ATP8B4: variants seen among roughly 807,000 people sequenced by gnomAD.
The protein encoded by ATP8B4 is probable phospholipid-transporting ATPase IM.
Under a neutral mutation model 145.6 loss-of-function variants are expected in ATP8B4, and 133 were observed. The ratio of observed to expected loss-of-function variants is 0.91; its 90% CI spans 0.79 to 1.05. The LOEUF is 1.05. Among genes scored for constraint, ATP8B4 ranks in the 50% least tolerant of loss-of-function variants. ATP8B4 has a pLI of 0.00. For missense variants in ATP8B4, 1,458 were observed against 1,425.2 expected, an observed-to-expected ratio of 1.02 and a Z score of -0.37; for synonymous variants, 507 against 492.9, an observed-to-expected ratio of 1.03 and a Z score of -0.38.
intron 2 of ATP8B4, among the ~76,000 whole-genome samples, chr15:50,092,364 T>C (rs2055666610): frequency 6.6e-6 from 1 of 152,016 alleles, no homozygotes; most frequent in Admixed American, 6.6e-5. Context: ...AACAAATTAG[T>C]GGTTATGGCA....
At position 49,939,212 on chromosome 15, in the gene ATP8B4, C is replaced by G. The variant is rs148220955; in HGVS notation, c.1288-5030G>C. The stretch of plus-strand genomic sequence containing the variant: ...AAAAAAAGAACAAGAAAAAATTAAC[C>G]CCAAAGCTAGCAGAACAAACTAACA... On this transcript the variant is annotated intron_variant, in intron 14 of 27. Coordinates refer to ENST00000284509, the MANE Select transcript of ATP8B4 (RefSeq NM_024837.4). Among the ~76,000 whole-genome samples the G allele has an allele frequency of 3.9e-3, 587 of 151,794 alleles. 5 individuals are homozygous for G. Among genetic ancestry groups the G allele is most frequent in the African/African-American group, 0.013 (556 of 41,412 alleles).
At chr15:50,128,164 T>A (rs1266898613) in intron 1 of ATP8B4, among the ~76,000 whole-genome samples, 1 of 152,202 alleles carries the variant, frequency 6.6e-6, no homozygotes, top group African/African-American at 2.4e-5. Flanking sequence ...TGGAGTTAAG[T>A]CATGCCAGAG....
intron 14 of ATP8B4, among the ~76,000 whole-genome samples, chr15:49,943,473 G>T (rs557794683): frequency 6.6e-6 from 1 of 151,874 alleles, no homozygotes; most frequent in African/African-American, 2.4e-5. Flanking sequence ...AACAGGAAGA[G>T]AAAAGCAACT....
At position 50,073,350 on chromosome 15, in the gene ATP8B4, C is replaced by T. The variant is rs1243344928; in HGVS notation, c.87+777G>A. Among the ~76,000 whole-genome samples, 9 of 152,052 alleles carry T rather than the reference C, an allele frequency of 5.9e-5. No homozygotes were observed. The South Asian group carries it at 1.0e-3, about 18-fold the overall frequency. On this transcript the variant is annotated intron_variant, in intron 3 of 27. Transcript: ENST00000284509. ...AACATGCAGTGTTTGGTTTTCTGTT[C>T]CTGTGTTAGTTTGCTGAGAATGATG...
At chr15:49,921,694 G>A (rs1347705321) in intron 17 of ATP8B4, among the ~76,000 whole-genome samples, 2 of 152,196 alleles carry the variant, frequency 1.3e-5, no homozygotes, top group African/African-American at 4.8e-5. Flanking sequence ...AGGTTAAACT[G>A]TGAGATACTG....
chr15:50,088,987 C>T (rs1360891025), intron 2 of ATP8B4, among the ~76,000 whole-genome samples: 1 of 152,054 alleles, frequency 6.6e-6, no homozygotes, highest in Non-Finnish European at 1.5e-5. Flanking sequence ...TGTACCAGTA[C>T]CATGCTGTTT....
At chr15:50,066,427 C>T (rs1357276268) in intron 3 of ATP8B4, among the ~76,000 whole-genome samples, 1 of 152,130 alleles carries the variant, frequency 6.6e-6, no homozygotes, top group Non-Finnish European at 1.5e-5. Flanking sequence ...TGTCACACTG[C>T]TTGTCATCAT....
intron 2 of ATP8B4, among the ~76,000 whole-genome samples, chr15:50,095,305 AAG>A (rs1270746687): frequency 6.6e-6 from 1 of 152,172 alleles, no homozygotes; most frequent in Admixed American, 6.6e-5. Context: ...TAGCAAAAGA[AAG>A]AGAGCATGTG....
intron 6 of ATP8B4, among the ~76,000 whole-genome samples, chr15:50,014,974 T>A (rs1019494809): frequency 1.3e-5 from 2 of 152,212 alleles, no homozygotes; most frequent in Non-Finnish European, 2.9e-5. Context: ...CAGAAATTGA[T>A]TAGAAGCCAC....
chr15:50,176,082 A>G lies in ATP8B4; in HGVS notation c.-43+6179T>C, dbSNP rs12914947. Among the ~76,000 whole-genome samples, 270 of 151,614 alleles carry G rather than the reference A, an allele frequency of 1.8e-3. 1 individual carries two copies. The highest frequency in any genetic ancestry group is 7.5e-3 in the South Asian group (36 of 4,820). On this transcript the variant is annotated intron_variant, in intron 1 of 3. Transcript: ENST00000558829. ...CGCAGAGTATATATATATATATACC[A>G]CAGAGTATATATATAGTGTGTATAT...
chr15:50,040,439 A>C (rs191914382), intron 5 of ATP8B4, among the ~76,000 whole-genome samples: 250 of 152,318 alleles, frequency 1.6e-3, no homozygotes, highest in Non-Finnish European at 2.9e-3. Flanking sequence ...CATCATTATT[A>C]AACTCTCCAA....
chr15:49,949,391 G>T (rs1165825542), intron 14 of ATP8B4, among the ~76,000 whole-genome samples: 1 of 152,086 alleles, frequency 6.6e-6, no homozygotes. Context: ...CACATCCTTT[G>T]TTTGCTGTAT....
At chr15:50,068,109 C>A (rs2053502688) in intron 3 of ATP8B4, among the ~76,000 whole-genome samples, 1 of 152,110 alleles carries the variant, frequency 6.6e-6, no homozygotes, top group Non-Finnish European at 1.5e-5. Context: ...GGCTCACACA[C>A]TGAGAATGAT....
At chr15:50,027,552 T>C (rs2153587459) in intron 6 of ATP8B4, among the ~76,000 whole-genome samples, 1 of 152,316 alleles carries the variant, frequency 6.6e-6, no homozygotes, top group South Asian at 2.1e-4. Flanking sequence ...CAGAGCCCCT[T>C]AAATCTCCAC....
chr15:50,094,829 C>G (rs1391910155), intron 2 of ATP8B4, among the ~76,000 whole-genome samples: 1 of 151,474 alleles, frequency 6.6e-6, no homozygotes, highest in Non-Finnish European at 1.5e-5. Flanking sequence ...GACTCAAGAC[C>G]CTTTCATGGT....
chr15:49,982,759 G>T (rs1451857614), intron 10 of ATP8B4, among the ~76,000 whole-genome samples: 1 of 152,100 alleles, frequency 6.6e-6, no homozygotes, highest in Non-Finnish European at 1.5e-5. Context: ...CATCCTGAAA[G>T]AATTTTCTAC....
intron 7 of ATP8B4, among the ~76,000 whole-genome samples, chr15:50,005,409 T>A (rs1459590172): frequency 6.6e-6 from 1 of 152,206 alleles, no homozygotes; most frequent in African/African-American, 2.4e-5. Flanking sequence ...GCTGTACAAT[T>A]CTTTAAGGAT....
At chr15:49,934,989 C>G (rs575014371) in intron 14 of ATP8B4, among the ~76,000 whole-genome samples, 30 of 150,488 alleles carry the variant, frequency 2.0e-4, no homozygotes, top group African/African-American at 7.3e-4. Context: ...TAAAGAGAAA[C>G]TGCATTAACT....
intron 14 of ATP8B4, among the ~76,000 whole-genome samples, chr15:49,958,175 C>T (rs375308627): frequency 6.6e-6 from 1 of 151,154 alleles, no homozygotes; most frequent in Non-Finnish European, 1.5e-5. Flanking sequence ...TTTGAACTCA[C>T]TGATATTAGA....
Sources: gnomAD v4.1 joint callset for allele counts (sites outside exome capture counted in the v4.1 genomes callset) on GRCh38, gnomAD v4.1.1 for gene constraint, MANE v1.5 for transcripts, NCBI Gene and HGNC (gene_info 2026-07-23, HGNC 2026-07-21) for gene names.